The following FIGN variants were observed in gnomAD, a reference collection of about 807,000 sequenced individuals.
FIGN encodes the protein fidgetin.
Under a neutral mutation model 51.3 loss-of-function variants are expected in FIGN, and 11 were observed. That is an observed-to-expected ratio of 0.21 (90% confidence interval 0.13 to 0.35). The LOEUF is 0.35. Among genes scored for constraint, FIGN ranks in the 10% least tolerant of loss-of-function variants. The pLI is 1.00. For missense variants in FIGN, 857 were observed against 943.6 expected (o/e 0.91, Z 1.20); for synonymous variants, 407 against 363.2 (o/e 1.12, Z -1.37).
chr2:163,687,089 A>G (rs774413877), intron 2 of FIGN, among the ~76,000 whole-genome samples: 2 of 152,200 alleles, frequency 1.3e-5, no homozygotes, highest in Non-Finnish European at 2.9e-5. Context: ...TATCAAAATG[A>G]TAAAGTTCAT....
chr2:163,712,071 G>A (rs185839772), intron 2 of FIGN, among the ~76,000 whole-genome samples: 35 of 152,028 alleles, frequency 2.3e-4, no homozygotes, highest in African/African-American at 7.0e-4. Context: ...ACATAAGAAT[G>A]ATGCACCAGG....
chr2:163,644,106 C>T (rs913433507), intron 2 of FIGN, among the ~76,000 whole-genome samples: 3 of 151,780 alleles, frequency 2.0e-5, no homozygotes, highest in Non-Finnish European at 4.4e-5. Flanking sequence ...TTAGACTTTA[C>T]TGAAATTAAA....
chr2:163,686,922 ATGTATT>A (rs1684160260), intron 2 of FIGN, among the ~76,000 whole-genome samples: 1 of 151,954 alleles, frequency 6.6e-6, no homozygotes, highest in African/African-American at 2.4e-5. Flanking sequence ...CAGAAGACGT[ATGTATT>A]TGTAAAGAGT....
At chr2:163,657,184 C>T (rs1210649441) in intron 2 of FIGN, among the ~76,000 whole-genome samples, 1 of 150,994 alleles carries the variant, frequency 6.6e-6, no homozygotes, top group Non-Finnish European at 1.5e-5. Flanking sequence ...AGGGAAGGAC[C>T]AAAAAGAAAT....
At chr2:163,611,840 T>C in intron 2 of FIGN, 34 bp from the exon 3 acceptor site, 2 of 1,557,530 alleles carry the variant, frequency 1.3e-6, no homozygotes, top group Non-Finnish European at 1.7e-6. Flanking sequence ...GTTAATTTAC[T>C]TAAATAGGCA....
chr2:163,634,349 T>C lies in FIGN; in HGVS notation c.26-22543A>G, dbSNP rs559142338. On this transcript the variant is annotated intron_variant, in intron 2 of 2. Coordinates refer to ENST00000333129, the MANE Select transcript of FIGN (RefSeq NM_018086.4). ...TCTGTAGGTATTTCTATTTCATAAA[T>C]TGAGAGTATATTGTATATGCTACTA... Among the ~76,000 whole-genome samples, 326 of 152,268 alleles carry C rather than the reference T, an allele frequency of 2.1e-3. 1 individual carries two copies. The highest frequency in any genetic ancestry group is 7.5e-3 in the African/African-American group (311 of 41,562).
chr2:163,674,270 G>A lies in FIGN; in HGVS notation c.25+60633C>T, dbSNP rs116252485. Among the ~76,000 whole-genome samples the A allele has an allele frequency of 5.5e-3, 840 of 152,218 alleles. 5 individuals are homozygous for A. Among genetic ancestry groups the A allele is most frequent in the South Asian group, 0.014 (65 of 4,814 alleles). Reference sequence around the variant, plus strand: ...GTGCCAGCTGAATGTGCGTGTGTGCGTGCGTGTGTGTTTTACAGTTTTTGT... The same window carrying A: ...GTGCCAGCTGAATGTGCGTGTGTGCATGCGTGTGTGTTTTACAGTTTTTGT... On this transcript the variant is annotated intron_variant, in intron 2 of 2. Transcript: ENST00000333129.
chr2:163,691,753 C>A (rs947365209), intron 2 of FIGN, among the ~76,000 whole-genome samples: 1 of 151,686 alleles, frequency 6.6e-6, no homozygotes, highest in Non-Finnish European at 1.5e-5. Context: ...CAAAAATTAA[C>A]CCTTCTGAGC....
intron 2 of FIGN, among the ~76,000 whole-genome samples, chr2:163,648,926 T>C (rs918067747): frequency 1.3e-5 from 2 of 152,184 alleles, no homozygotes; most frequent in African/African-American, 4.8e-5. Flanking sequence ...TTAATTAACG[T>C]CTGGGATGAT....
chr2:163,670,097 C>A (rs1683851042), intron 2 of FIGN, among the ~76,000 whole-genome samples: 1 of 152,132 alleles, frequency 6.6e-6, no homozygotes, highest in South Asian at 2.1e-4. Context: ...TGATGGACAG[C>A]AAGCTCAGCT....
intron 2 of FIGN, chr2:163,616,978 G>A: frequency 2.2e-6 from 1 of 450,202 alleles, no homozygotes; most frequent in African/African-American, 2.1e-5. Flanking sequence ...CTGGCCCTGT[G>A]CAATATCTAC....
At chr2:163,733,549 C>T (rs79448604) in intron 2 of FIGN, among the ~76,000 whole-genome samples, 145 of 152,346 alleles carry the variant, frequency 9.5e-4, no homozygotes, top group Middle Eastern at 3.4e-3. Context: ...TTCGCTCCAA[C>T]AGCTCCGGGG....
intron 2 of FIGN, among the ~76,000 whole-genome samples, chr2:163,641,400 A>T (rs1400233477): frequency 6.6e-6 from 1 of 152,230 alleles, no homozygotes; most frequent in Non-Finnish European, 1.5e-5. Context: ...CTCCAATTTC[A>T]TATCACTGAA....
intron 2 of FIGN, among the ~76,000 whole-genome samples, chr2:163,716,590 A>G (rs1304690991): frequency 6.6e-6 from 1 of 152,212 alleles, no homozygotes; most frequent in Non-Finnish European, 1.5e-5. Flanking sequence ...TGAGTGGATA[A>G]ACTGGTTCCA....
Position 163,610,290 on chromosome 2 carries a change from T to C in FIGN, c.1542A>G (p.Gly514=). 1.2e-6 allele frequency: 2 copies of C among 1,614,110 alleles called. No individual in the cohort carries two copies. Among genetic ancestry groups the C allele is most frequent in the Non-Finnish European group, 1.7e-6 (2 of 1,180,030 alleles). ...WPVLRSDAFS[G]LTALPRSILL... ...GGATGCTCCGAGGTAAGGCCGTCAGTCCACTGAACGCGTCTGACCTCAACA... is the reference window on the plus strand; with the variant it reads ...GGATGCTCCGAGGTAAGGCCGTCAGCCCACTGAACGCGTCTGACCTCAACA... Residue 514 remains glycine, a synonymous_variant, in exon 3 of 3, where the codon GGA becomes GGG. Coordinates refer to ENST00000333129, the MANE Select transcript of FIGN (RefSeq NM_018086.4).
chr2:163,626,791 A>G (rs1462099130), intron 2 of FIGN, among the ~76,000 whole-genome samples: 1 of 152,118 alleles, frequency 6.6e-6, no homozygotes, highest in Non-Finnish European at 1.5e-5. Context: ...GGCTGATAAA[A>G]CAGGTTGCGG....
intron 2 of FIGN, among the ~76,000 whole-genome samples, chr2:163,629,540 A>G (rs1401125976): frequency 6.6e-6 from 1 of 152,076 alleles, no homozygotes; most frequent in Non-Finnish European, 1.5e-5. Context: ...TTTAAAGGAT[A>G]TGGGGGAAAA....
At chr2:163,677,749 G>T (rs767005532) in intron 2 of FIGN, among the ~76,000 whole-genome samples, 2 of 152,036 alleles carry the variant, frequency 1.3e-5, no homozygotes, top group African/African-American at 2.4e-5. Context: ...AAAGCCTTTT[G>T]AAACAATTTT....
chr2:163,685,224 A>G (rs1684128516), intron 2 of FIGN, among the ~76,000 whole-genome samples: 1 of 152,072 alleles, frequency 6.6e-6, no homozygotes, highest in Admixed American at 6.6e-5. Flanking sequence ...TTACAATTAG[A>G]CTTTGAATTC....
Sources: allele counts gnomAD v4.1 joint callset (sites outside exome capture counted in the v4.1 genomes callset), GRCh38; gene constraint gnomAD v4.1.1; transcripts MANE v1.5; gene names NCBI Gene and HGNC (gene_info 2026-07-23, HGNC 2026-07-21).